The following SDK1 variants were observed in gnomAD, a reference collection of about 807,000 sequenced individuals.
SDK1 encodes the protein protein sidekick-1.
SDK1 carries 157 observed loss-of-function variants against 245.5 expected under a neutral mutation model. That is an observed-to-expected ratio of 0.64 (90% CI 0.56 to 0.73). The LOEUF (loss-of-function observed/expected upper bound fraction) is 0.73, where lower values mean the gene tolerates loss of function less well. SDK1 is among the 30% of genes least tolerant of loss of function. The pLI, the probability that SDK1 is intolerant of heterozygous loss-of-function variation, is 0.00. For synonymous variants in SDK1, 1,647 were observed against 1,278.5 expected (o/e 1.29, Z -6.15); for missense variants, 3,583 against 3,002.3 (o/e 1.19, Z -4.52).
intron 4 of SDK1, among the ~76,000 whole-genome samples, chr7:3,684,369 G>C (rs1037791098): frequency 6.6e-6 from 1 of 152,198 alleles, no homozygotes; most frequent in Non-Finnish European, 1.5e-5. Flanking sequence ...TGGTTGTAAA[G>C]TGCATACTGA....
intron 1 of SDK1, among the ~76,000 whole-genome samples, chr7:3,579,721 G>A (rs1780420701): frequency 6.6e-6 from 1 of 152,182 alleles, no homozygotes; most frequent in Non-Finnish European, 1.5e-5. Flanking sequence ...CAGTTGGAAT[G>A]TAAATTAAAC....
chr7:4,036,595 A>T (rs1453989922), intron 17 of SDK1, among the ~76,000 whole-genome samples: 1 of 152,214 alleles, frequency 6.6e-6, no homozygotes, highest in Non-Finnish European at 1.5e-5. Flanking sequence ...TGGTCTAAAT[A>T]TTAGTGTCCC....
intron 22 of SDK1, among the ~76,000 whole-genome samples, chr7:4,085,121 C>T (rs1010693240): frequency 1.3e-5 from 2 of 152,120 alleles, no homozygotes; most frequent in Non-Finnish European, 2.9e-5. Flanking sequence ...TTTTAGGACT[C>T]CTAACTCGAT....
intron 5 of SDK1, among the ~76,000 whole-genome samples, chr7:3,943,253 A>C (rs901006375): frequency 7.2e-6 from 1 of 138,204 alleles, no homozygotes; most frequent in Non-Finnish European, 1.6e-5. Flanking sequence ...GTGGGGGAGC[A>C]ACTGTGCTCA....
intron 4 of SDK1, among the ~76,000 whole-genome samples, chr7:3,727,577 A>G (rs1460970527): frequency 6.6e-6 from 1 of 151,708 alleles, no homozygotes; most frequent in Non-Finnish European, 1.5e-5. Flanking sequence ...GGCAACCTCC[A>G]CCTCCTGGGT....
At chr7:3,962,579 A>C (rs1488760812) in intron 8 of SDK1, 78 bp from the exon 9 acceptor site, 2 of 1,245,168 alleles carry the variant, frequency 1.6e-6, no homozygotes, top group African/African-American at 3.0e-5. Context: ...TTGGCATTCT[A>C]GCCTTTGAAA....
chr7:3,980,609 C>A (rs1443324211), intron 13 of SDK1, among the ~76,000 whole-genome samples: 1 of 152,218 alleles, frequency 6.6e-6, no homozygotes, highest in Non-Finnish European at 1.5e-5. Flanking sequence ...AGTCAAGGAT[C>A]TCACAAAGCT....
intron 25 of SDK1, among the ~76,000 whole-genome samples, chr7:4,114,742 G>A (rs1209650881): frequency 6.6e-6 from 1 of 152,136 alleles, no homozygotes; most frequent in Non-Finnish European, 1.5e-5. Flanking sequence ...TCTAAGGTGG[G>A]CGTTCCTGTT....
chr7:3,621,118 CATTGAAGGCTCTAGTG>C (rs1271164251), intron 2 of SDK1, among the ~76,000 whole-genome samples: 1 of 152,076 alleles, frequency 6.6e-6, no homozygotes, highest in East Asian at 1.9e-4. Context: ...GTGTTGTGAG[CATTGAAGGCTCTAGTG>C]ATCGTAGGCA....
At chr7:3,817,709 G>T (rs950825113) in intron 4 of SDK1, among the ~76,000 whole-genome samples, 11 of 152,152 alleles carry the variant, frequency 7.2e-5, no homozygotes, top group African/African-American at 2.7e-4. Context: ...TGCCCAAGGG[G>T]TGGGTCTAGC....
At chr7:3,541,203 A>C (rs1261284420) in intron 1 of SDK1, among the ~76,000 whole-genome samples, 2 of 152,328 alleles carry the variant, frequency 1.3e-5, no homozygotes, top group East Asian at 3.9e-4. Context: ...GTATGTTTTC[A>C]TTTTTATGTT....
chr7:3,999,659 A>C (rs1784929426), intron 14 of SDK1, among the ~76,000 whole-genome samples: 1 of 152,240 alleles, frequency 6.6e-6, no homozygotes, highest in African/African-American at 2.4e-5. Context: ...TGAATTCGTA[A>C]GAGCAGAAGG....
At chr7:4,100,228 C>T (rs544467848) in intron 22 of SDK1, among the ~76,000 whole-genome samples, 7 of 152,142 alleles carry the variant, frequency 4.6e-5, no homozygotes, top group South Asian at 2.1e-4. Flanking sequence ...GGGACAGATG[C>T]GGATGGGGAG....
chr7:4,260,860 C>A (rs936341508), intron 44 of SDK1, among the ~76,000 whole-genome samples: 3 of 151,818 alleles, frequency 2.0e-5, no homozygotes. Context: ...ATGTGTTCAT[C>A]GTCACCTGAT....
chr7:4,088,122 C>T (rs1355588065), intron 22 of SDK1, among the ~76,000 whole-genome samples: 2 of 152,108 alleles, frequency 1.3e-5, no homozygotes, highest in Non-Finnish European at 2.9e-5. Flanking sequence ...GCCATGAAGC[C>T]GGATTGGAGC....
intron 4 of SDK1, among the ~76,000 whole-genome samples, chr7:3,811,835 A>G (rs1168152852): frequency 7.2e-5 from 11 of 152,244 alleles, no homozygotes; most frequent in Admixed American, 7.2e-4. Context: ...AATACCTTGT[A>G]GGCTAGAGAA....
chr7:4,185,025 C>G (rs934541105), intron 35 of SDK1, among the ~76,000 whole-genome samples: 3 of 152,208 alleles, frequency 2.0e-5, no homozygotes, highest in Non-Finnish European at 2.9e-5. Flanking sequence ...CATATCTGTC[C>G]CCAAACTAGT....
chr7:4,253,827 C>T (rs1787460405), intron 44 of SDK1, among the ~76,000 whole-genome samples: 1 of 152,074 alleles, frequency 6.6e-6, no homozygotes, highest in African/African-American at 2.4e-5. Context: ...ATAGTTATAT[C>T]TTCTTGATAT....
chr7:3,792,668 A>G (rs1431230188), intron 4 of SDK1, among the ~76,000 whole-genome samples: 1 of 149,358 alleles, frequency 6.7e-6, no homozygotes, highest in African/African-American at 2.5e-5. Context: ...CCATCTAACT[A>G]CTACCCCCTC....
Sources: gnomAD v4.1 joint callset for allele counts (sites outside exome capture counted in the v4.1 genomes callset) on GRCh38, gnomAD v4.1.1 for gene constraint, MANE v1.5 for transcripts, NCBI Gene and HGNC (gene_info 2026-07-23, HGNC 2026-07-21) for gene names.